CACNB2: variants seen among roughly 807,000 people sequenced by gnomAD.
CACNB2 encodes voltage-dependent L-type calcium channel subunit beta-2.
Under a neutral mutation model 73.3 loss-of-function variants are expected in CACNB2, and 42 were observed. The observed-to-expected ratio is 0.57, with a 90% CI of 0.45 to 0.74. The LOEUF (loss-of-function observed/expected upper bound fraction) is 0.74. CACNB2 is among the 30% of genes least tolerant of loss of function. The probability of loss-of-function intolerance (pLI) is 0.00; values close to 1 mark genes in which losing one functional copy is unlikely to be tolerated. For missense variants in CACNB2, 940 were observed against 853.0 expected (o/e 1.10, Z -1.27); for synonymous variants, 348 against 310.3 (o/e 1.12, Z -1.28).
At chr10:18,220,153 A>G (rs2035688083) in intron 2 of CACNB2, among the ~76,000 whole-genome samples, 2 of 26,606 alleles carry the variant, frequency 7.5e-5, no homozygotes, top group African/African-American at 4.0e-4. Context: ...ATATATATAT[A>G]TACACACACA....
intron 2 of CACNB2, among the ~76,000 whole-genome samples, chr10:18,326,581 T>C (rs1419721775): frequency 6.6e-6 from 1 of 152,208 alleles, no homozygotes; most frequent in Non-Finnish European, 1.5e-5. Flanking sequence ...TGGATCCCAT[T>C]TGGTACTTAA....
chr10:18,147,816 A>G (rs1012291140), intron 1 of CACNB2, among the ~76,000 whole-genome samples: 11 of 151,936 alleles, frequency 7.2e-5, no homozygotes, highest in Admixed American at 3.3e-4. Context: ...TCCCCCCTTA[A>G]TTCCTTCAGA....
At chr10:18,394,339 A>G (rs2043619673) in intron 2 of CACNB2, among the ~76,000 whole-genome samples, 1 of 152,186 alleles carries the variant, frequency 6.6e-6, no homozygotes, top group South Asian at 2.1e-4. Context: ...AAGCATTACA[A>G]AACTATCACG....
intron 5 of CACNB2, among the ~76,000 whole-genome samples, chr10:18,501,198 A>G (rs1053535568): frequency 6.6e-6 from 1 of 152,364 alleles, no homozygotes; most frequent in Non-Finnish European, 1.5e-5. Flanking sequence ...ATAGAGTATT[A>G]AATTCAGGCT....
intron 12 of CACNB2, among the ~76,000 whole-genome samples, chr10:18,537,001 T>A (rs2053668779): frequency 6.6e-6 from 1 of 152,228 alleles, no homozygotes; most frequent in Admixed American, 6.5e-5. Flanking sequence ...GGTTTAGTTT[T>A]GGAGGCAGGG....
intron 2 of CACNB2, among the ~76,000 whole-genome samples, chr10:18,213,959 T>A (rs1396619867): frequency 6.6e-6 from 1 of 152,234 alleles, no homozygotes; most frequent in Admixed American, 6.5e-5. Flanking sequence ...CTCTAATTCC[T>A]GATTGATTTG....
At chr10:18,255,505 C>T (rs570513322) in intron 2 of CACNB2, among the ~76,000 whole-genome samples, 1 of 152,234 alleles carries the variant, frequency 6.6e-6, no homozygotes, top group East Asian at 1.9e-4. Flanking sequence ...TTCAAATTGC[C>T]TTGCCCCCTG....
chr10:18,278,346 A>G (rs117090315), intron 2 of CACNB2, among the ~76,000 whole-genome samples: 2,459 of 152,084 alleles, frequency 0.016, 22 homozygotes, highest in Middle Eastern at 0.031. Flanking sequence ...GTGAGTAATA[A>G]GGAACTGGCT....
At chr10:18,416,384 C>G (rs781762343) in intron 3 of CACNB2, among the ~76,000 whole-genome samples, 12 of 152,150 alleles carry the variant, frequency 7.9e-5, no homozygotes, top group Non-Finnish European at 1.6e-4. Flanking sequence ...GCTTCCACCT[C>G]TTGGCTACTG....
At chr10:18,304,340 A>G (rs1466060893) in intron 2 of CACNB2, among the ~76,000 whole-genome samples, 2 of 152,220 alleles carry the variant, frequency 1.3e-5, no homozygotes, top group African/African-American at 4.8e-5. Flanking sequence ...CAAGTATATT[A>G]TCTCAAATGA....
intron 2 of CACNB2, among the ~76,000 whole-genome samples, chr10:18,243,300 A>G (rs11812617): frequency 0.072 from 10,987 of 152,040 alleles, 408 homozygotes; most frequent in East Asian, 0.086. Context: ...ATTCAAGGTA[A>G]GGGGAAATAA....
chr10:18,484,450 G>C (rs1265344363), intron 3 of CACNB2, among the ~76,000 whole-genome samples: 1 of 151,838 alleles, frequency 6.6e-6, no homozygotes, highest in Non-Finnish European at 1.5e-5. Flanking sequence ...AAATGGGAGA[G>C]CTAAGTGAGT....
chr10:18,488,711 A>G (rs1204558104), intron 3 of CACNB2, among the ~76,000 whole-genome samples: 1 of 152,082 alleles, frequency 6.6e-6, no homozygotes, highest in African/African-American at 2.4e-5. Flanking sequence ...TTTGTAAATT[A>G]TAACTTTCAA....
intron 3 of CACNB2, among the ~76,000 whole-genome samples, chr10:18,480,155 T>C (rs923299328): frequency 5.3e-5 from 8 of 152,218 alleles, no homozygotes; most frequent in African/African-American, 1.9e-4. Flanking sequence ...TCCTCAAATA[T>C]ATGTTCATTT....
chr10:18,475,390 A>T (rs1288885234), intron 3 of CACNB2, among the ~76,000 whole-genome samples: 2 of 152,120 alleles, frequency 1.3e-5, no homozygotes, highest in Non-Finnish European at 2.9e-5. Context: ...GCCCCATCCC[A>T]AGGCTCTCCA....
chr10:18,483,738 CT>C (rs1042774445), intron 3 of CACNB2, among the ~76,000 whole-genome samples: 5 of 152,130 alleles, frequency 3.3e-5, no homozygotes, highest in Non-Finnish European at 5.9e-5. Flanking sequence ...TCAGCATGTA[CT>C]TTGTAAAGGC....
chr10:18,403,891 A>T (rs1227753738), intron 3 of CACNB2, among the ~76,000 whole-genome samples: 1 of 152,078 alleles, frequency 6.6e-6, no homozygotes, highest in East Asian at 1.9e-4. Context: ...AAAAAATAGA[A>T]AGAATGAATA....
intron 2 of CACNB2, among the ~76,000 whole-genome samples, chr10:18,290,112 C>CTTTTTTTTTTTTTTTTTTTTT (rs992393946): frequency 4.0e-5 from 2 of 50,146 alleles, no homozygotes; most frequent in Non-Finnish European, 7.6e-5. Context: ...TTTTCTTTTT[C>CTTTTTTTTTTTTTTTTTTTTT]TTTTTTTTTT....
At chr10:18,400,994 G>A (rs760236241) in intron 2 of CACNB2, 1 of 1,613,838 alleles carries the variant, frequency 6.2e-7, no homozygotes, top group Non-Finnish European at 8.5e-7. Flanking sequence ...CCTGTGCCCG[G>A]GGCTGCAGCT....
Sources: allele counts gnomAD v4.1 joint callset (sites outside exome capture counted in the v4.1 genomes callset), GRCh38; gene constraint gnomAD v4.1.1; transcripts MANE v1.5; gene names NCBI Gene and HGNC (gene_info 2026-07-23, HGNC 2026-07-21).